SLC16A6: variants seen among roughly 807,000 people sequenced by gnomAD.
SLC16A6 encodes the protein monocarboxylate transporter 7.
A neutral mutation model predicts 33.8 loss-of-function variants in SLC16A6; 15 were observed. The observed-to-expected ratio is 0.44, with a 90% CI of 0.30 to 0.68. SLC16A6 has a LOEUF of 0.68. Ranked by LOEUF, SLC16A6 falls within the 30% of genes least tolerant of loss-of-function variation. The probability of loss-of-function intolerance (pLI) is 0.10; values close to 1 mark genes in which losing one functional copy is unlikely to be tolerated. For missense variants in SLC16A6, 451 were observed against 661.5 expected, an observed-to-expected ratio of 0.68 and a Z score of 3.49; for synonymous variants, 219 against 248.4, an observed-to-expected ratio of 0.88 and a Z score of 1.11.
At chr17:68,286,250 C>T (rs1215981669) in intron 1 of SLC16A6, among the ~76,000 whole-genome samples, 3 of 152,180 alleles carry the variant, frequency 2.0e-5, no homozygotes, top group Non-Finnish European at 2.9e-5. Context: ...CCTGTATCAT[C>T]AGATGTTTAC....
In SLC16A6 at chr17:68,269,042, G is replaced by A; in HGVS notation, c.*54C>T. On this transcript the variant is annotated 3_prime_UTR_variant, in exon 6 of 6. Transcript: ENST00000580666. Reference sequence around the variant, plus strand: ...CTCTGCCTCCTTGTGTCCCCGTTGGGCCCACCCCATCCCTCTCCAGCCAAC... The same window carrying A: ...CTCTGCCTCCTTGTGTCCCCGTTGGACCCACCCCATCCCTCTCCAGCCAAC... 6.3e-7 allele frequency: 1 copy of A among 1,591,850 alleles called. No homozygotes were observed. Among genetic ancestry groups the A allele is most frequent in the African/African-American group, 1.4e-5 (1 of 73,664 alleles).
chr17:68,271,539 T>C lies in SLC16A6; in HGVS notation c.621A>G (p.Gly207=), dbSNP rs781838059. The C allele has an allele frequency of 3.1e-6, 5 of 1,614,244 alleles. No homozygotes were observed. The Admixed American group carries it at 8.3e-5, about 27-fold the overall frequency. ...GALLRPIFIR[G]PASPKIVIQE... Reference sequence around the variant, plus strand: ...GGATGACTATTTTCGGTGACGCTGGTCCTCTGATAAAGATGGGTCTGAGCA... The same window carrying C: ...GGATGACTATTTTCGGTGACGCTGGCCCTCTGATAAAGATGGGTCTGAGCA... The change falls in exon 5 of 6, where the codon GGA becomes GGG. Residue 207 remains glycine (G), a synonymous_variant. Coordinates refer to ENST00000580666, the MANE Select transcript of SLC16A6 (RefSeq NM_004694.5). This position sits in a 1 kb window ranked among gnomAD's most constrained non-coding sequence, Gnocchi z 5.3.
intron 1 of SLC16A6, among the ~76,000 whole-genome samples, chr17:68,278,676 G>A (rs2075603230): frequency 7.3e-6 from 1 of 136,188 alleles, no homozygotes; most frequent in Non-Finnish European, 1.5e-5. Context: ...CTGCAGTGTA[G>A]TTGTGTGATC....
intron 1 of SLC16A6, among the ~76,000 whole-genome samples, chr17:68,280,971 G>T (rs1262182181): frequency 6.6e-6 from 1 of 151,700 alleles, no homozygotes; most frequent in African/African-American, 2.4e-5. Context: ...CTGAAAATAC[G>T]AAAAATTAAC....
At position 68,269,166 on chromosome 17, in the gene SLC16A6, G is replaced by A; in HGVS notation, c.1502C>T (p.Pro501Leu). The A allele has an allele frequency of 6.5e-7, 1 of 1,549,756 alleles. No homozygotes were observed. The highest frequency in any genetic ancestry group is 1.2e-5 in the South Asian group (1 of 80,830). ...AAGATCCATTTCCAGAAAGTCTTCA[G>A]GTATGTCCTGTAAAGTCTTCCCACG... ...SHRGKTLQDI[P>L]EDFLEMDLAK... The change falls in exon 6 of 6, where the codon CCT (proline) becomes CTT (leucine). Residue 501 changes from proline to leucine, a missense_variant. Transcript: ENST00000580666.
rs533824625 is a variant in SLC16A6, at chr17:68,282,019, A to G, written c.-7-3692T>C. Among the ~76,000 whole-genome samples the G allele has an allele frequency of 4.6e-5, 7 of 152,364 alleles. No homozygotes were observed. The East Asian group carries it at 1.3e-3, about 29-fold the overall frequency. ...TTACTGGGTATATACCCAAAGGATT[A>G]TAAATCATGCTGCTATAAAGACACA... On this transcript the variant is annotated intron_variant, in intron 1 of 5. Transcript: ENST00000580666.
intron 1 of SLC16A6, among the ~76,000 whole-genome samples, chr17:68,282,798 A>AAAAAAAAAAAAAAAC: frequency 6.7e-6 from 1 of 148,828 alleles, no homozygotes; most frequent in East Asian, 2.0e-4. Flanking sequence ...AAAAAAAAAA[A>AAAAAAAAAAAAAAAC]AAGGCCAGGT....
At chr17:68,287,565 A>G (rs1437586665) in intron 1 of SLC16A6, among the ~76,000 whole-genome samples, 1 of 152,124 alleles carries the variant, frequency 6.6e-6, no homozygotes, top group Non-Finnish European at 1.5e-5. Context: ...ATTCTACTCT[A>G]GCTAGAGCCA....
intron 2 of SLC16A6, 75 bp downstream of exon 2, chr17:68,278,014 G>C: frequency 1.1e-6 from 1 of 949,960 alleles, no homozygotes; most frequent in Non-Finnish European, 1.6e-6. Flanking sequence ...CAAACACATC[G>C]ACTACCATTA....
chr17:68,278,058 A>C, intron 2 of SLC16A6, 31 bp downstream of exon 2: 1 of 1,508,826 alleles, frequency 6.6e-7, no homozygotes, highest in South Asian at 1.1e-5. Flanking sequence ...CCCTATACTT[A>C]CGTCATGGTT....
At chr17:68,270,231 T>A (rs1263617616) in intron 5 of SLC16A6, among the ~76,000 whole-genome samples, 1 of 152,148 alleles carries the variant, frequency 6.6e-6, no homozygotes, top group Non-Finnish European at 1.5e-5. Flanking sequence ...CATGAGTTCT[T>A]GCCTAGCATG....
chr17:68,282,434 A>G (rs1185448213), intron 1 of SLC16A6, among the ~76,000 whole-genome samples: 1 of 151,820 alleles, frequency 6.6e-6, no homozygotes, highest in East Asian at 1.9e-4. Flanking sequence ...GCACACCAAC[A>G]TGGCACATCT....
intron 1 of SLC16A6, among the ~76,000 whole-genome samples, chr17:68,284,703 C>T (rs1467708025): frequency 6.6e-6 from 1 of 152,166 alleles, no homozygotes; most frequent in Non-Finnish European, 1.5e-5. Context: ...TATCATTCAT[C>T]CTACTGATAG....
rs1047532 is a variant in SLC16A6 at position 68,267,270 on chromosome 17, C to T, written c.*1826G>A. The T allele has an allele frequency of 5.3e-5, 8 of 152,198 alleles. No individual in the cohort carries two copies. The highest frequency in any genetic ancestry group is 7.2e-5 in the African/African-American group (3 of 41,542). The allele number at this position is 152,198 out of a possible 1,614,324, so 9.4% of individuals were successfully genotyped here. A position where few individuals can be genotyped will look rare whatever the true frequency, so the allele number is the denominator to read the frequency against. ...TGAACATTCATAGTAAAAAATATGT[C>T]GTAAAGTGCTGAAGTCATGTAAGTC... On this transcript the variant is annotated 3_prime_UTR_variant, in exon 6 of 6. Coordinates refer to ENST00000580666, the MANE Select transcript of SLC16A6 (RefSeq NM_004694.5).
intron 1 of SLC16A6, among the ~76,000 whole-genome samples, chr17:68,280,212 A>G (rs2075651497): frequency 6.6e-6 from 1 of 151,440 alleles, no homozygotes; most frequent in Non-Finnish European, 1.5e-5. Context: ...AATTATTTAT[A>G]TATGACCCAA....
rs2075354428 is a variant in SLC16A6 at position 68,271,941 on chromosome 17, T to A, written c.506-287A>T. On this transcript the variant is annotated intron_variant, in intron 4 of 5. Transcript: ENST00000580666. This position sits in a 1 kb window ranked among gnomAD's most constrained non-coding sequence, Gnocchi z 5.3. ...CCTCAGCCTCCTGAGTAGCTGGGAC[T>A]ATAGGCGTGCGCCACCACGACCAGC... is the stretch of plus-strand genomic sequence containing the variant. Among the ~76,000 whole-genome samples, 1 of 152,216 alleles carries A rather than the reference T, an allele frequency of 6.6e-6. No individual in the cohort carries two copies. Among genetic ancestry groups the A allele is most frequent in the Non-Finnish European group, 1.5e-5 (1 of 68,046 alleles).
intron 1 of SLC16A6, among the ~76,000 whole-genome samples, chr17:68,281,168 T>C (rs1381670497): frequency 1.3e-5 from 2 of 148,608 alleles, no homozygotes. Context: ...CACAGAAGGG[T>C]AGACAATATT....
intron 1 of SLC16A6, among the ~76,000 whole-genome samples, chr17:68,289,559 C>T (rs1490268437): frequency 6.6e-6 from 1 of 152,150 alleles, no homozygotes; most frequent in Non-Finnish European, 1.5e-5. Context: ...AGGCGTAGCC[C>T]GGAGAACAGC....
At chr17:68,278,798 T>G (rs2075607495) in intron 1 of SLC16A6, among the ~76,000 whole-genome samples, 1 of 151,906 alleles carries the variant, frequency 6.6e-6, no homozygotes, top group South Asian at 2.1e-4. Flanking sequence ...TTTTGTATTT[T>G]TAGTAGAGAT....
Sources: gnomAD v4.1 joint callset for allele counts (sites outside exome capture counted in the v4.1 genomes callset) on GRCh38, gnomAD v4.1.1 for gene constraint, Gnocchi (gnomAD v3.1) non-coding constraint, MANE v1.5 for transcripts, NCBI Gene and HGNC (gene_info 2026-07-23, HGNC 2026-07-21) for gene names.